Variants in RAP1GDS1 observed in about 807,000 individuals in gnomAD.
RAP1GDS1 encodes Rap1 GTPase-GDP dissociation stimulator 1.
A neutral mutation model predicts 71.1 loss-of-function variants in RAP1GDS1; 35 were observed. That is an observed-to-expected ratio of 0.49 (90% CI 0.38 to 0.65). The LOEUF (loss-of-function observed/expected upper bound fraction) is 0.65, where lower values mean the gene tolerates loss of function less well. Ranked by LOEUF, RAP1GDS1 falls within the 30% of genes least tolerant of loss-of-function variation. RAP1GDS1 has a pLI of 0.00. For missense variants in RAP1GDS1, 663 were observed against 706.1 expected (o/e 0.94, Z 0.69); for synonymous variants, 229 against 243.1 (o/e 0.94, Z 0.54).
chr4:98,329,346 A>G (rs1300393476), intron 2 of RAP1GDS1, among the ~76,000 whole-genome samples: 2 of 152,244 alleles, frequency 1.3e-5, no homozygotes, highest in African/African-American at 4.8e-5. Context: ...TATAAAAGTC[A>G]TGGAAACATT....
chr4:98,412,178 A>G (rs1747166940), intron 7 of RAP1GDS1, among the ~76,000 whole-genome samples: 1 of 152,188 alleles, frequency 6.6e-6, no homozygotes, highest in South Asian at 2.1e-4. Flanking sequence ...AGGGAAACCA[A>G]TGACTAAAAT....
rs539142014 is a variant in RAP1GDS1 at position 98,343,667 on chromosome 4, G to A, written c.235+406G>A. Among the ~76,000 whole-genome samples the A allele has an allele frequency of 7.9e-5, 12 of 152,026 alleles. No homozygotes were observed. The East Asian group carries it at 1.7e-3, about 22-fold the overall frequency. ...CTTTTTTAGTTTGGCCTATTGTTCCGACATTGGCACTTCAACAGTATAGTT... is the reference window on the plus strand; with the variant it reads ...CTTTTTTAGTTTGGCCTATTGTTCCAACATTGGCACTTCAACAGTATAGTT... On this transcript the variant is annotated intron_variant, in intron 3 of 14. Coordinates refer to ENST00000408927, the MANE Select transcript of RAP1GDS1 (RefSeq NM_001100427.2).
At chr4:98,435,730 A>G (rs1250237434) in intron 13 of RAP1GDS1, among the ~76,000 whole-genome samples, 4 of 151,826 alleles carry the variant, frequency 2.6e-5, no homozygotes, top group Non-Finnish European at 4.4e-5. Flanking sequence ...AGAGTTCTTT[A>G]TATATTCTAA....
intron 12 of RAP1GDS1, among the ~76,000 whole-genome samples, chr4:98,427,615 T>G (rs1275291361): frequency 6.6e-6 from 1 of 151,778 alleles, no homozygotes; most frequent in Non-Finnish European, 1.5e-5. Flanking sequence ...TTACAATAGC[T>G]GCAAAAAATA....
intron 9 of RAP1GDS1, 126 bp downstream of exon 9, chr4:98,417,624 T>A: frequency 1.2e-6 from 1 of 855,864 alleles, no homozygotes; most frequent in South Asian, 2.9e-5. Flanking sequence ...GCTGCTAACT[T>A]AATTTTTCAG....
intron 1 of RAP1GDS1, among the ~76,000 whole-genome samples, chr4:98,286,970 G>T (rs72892365): frequency 0.019 from 2,901 of 149,436 alleles, 103 homozygotes; most frequent in African/African-American, 0.067. Context: ...TAGAGAAGAT[G>T]ACTTAGAGTG....
intron 14 of RAP1GDS1, among the ~76,000 whole-genome samples, chr4:98,439,725 A>G (rs1751647692): frequency 6.6e-6 from 1 of 152,180 alleles, no homozygotes; most frequent in Non-Finnish European, 1.5e-5. Context: ...TTTCAGTTAT[A>G]TATTTTAGTT....
chr4:98,431,424 TG>T (rs1750392970), intron 12 of RAP1GDS1, among the ~76,000 whole-genome samples: 1 of 152,198 alleles, frequency 6.6e-6, no homozygotes, highest in African/African-American at 2.4e-5. Flanking sequence ...AAGGGCAAAT[TG>T]ACTAAATGCT....
chr4:98,372,114 C>T (rs1409721827), intron 4 of RAP1GDS1, among the ~76,000 whole-genome samples: 2 of 151,992 alleles, frequency 1.3e-5, no homozygotes, highest in Non-Finnish European at 2.9e-5. Flanking sequence ...TCTTTGTCCG[C>T]CTTTTTTTGG....
At chr4:98,318,748 T>C (rs947897411) in intron 2 of RAP1GDS1, among the ~76,000 whole-genome samples, 5 of 152,172 alleles carry the variant, frequency 3.3e-5, no homozygotes, top group African/African-American at 4.8e-5. Flanking sequence ...AATGGGCAGG[T>C]AGCATATACA....
intron 14 of RAP1GDS1, among the ~76,000 whole-genome samples, chr4:98,438,585 TATA>T (rs1279272211): frequency 7.3e-6 from 1 of 136,636 alleles, no homozygotes; most frequent in African/African-American, 2.9e-5. Context: ...TATATATATA[TATA>T]TCTTTTTTTT....
Position 98,297,365 on chromosome 4 carries a change from G to C in RAP1GDS1, c.112+3850G>C, listed in dbSNP as rs186512805. 2.1e-3 allele frequency among the ~76,000 whole-genome samples: 314 copies of C among 152,110 alleles called. 1 individual carries two copies. Among genetic ancestry groups the C allele is most frequent in the Non-Finnish European group, 3.8e-3 (259 of 67,998 alleles). On this transcript the variant is annotated intron_variant, in intron 2 of 14. Coordinates refer to ENST00000408927, the MANE Select transcript of RAP1GDS1 (RefSeq NM_001100427.2). The stretch of plus-strand genomic sequence containing the variant: ...TCATTTTATTGTGCTTTACTTTATT[G>C]AGCTTCACAAATACTGTATTTTTTA...
intron 1 of RAP1GDS1, among the ~76,000 whole-genome samples, chr4:98,292,358 T>C (rs902213503): frequency 1.3e-5 from 2 of 152,080 alleles, no homozygotes; most frequent in African/African-American, 4.8e-5. Flanking sequence ...GGTATCAAAC[T>C]CCTAGCCTCA....
intron 6 of RAP1GDS1, among the ~76,000 whole-genome samples, chr4:98,395,446 G>A (rs1224543967): frequency 1.3e-5 from 2 of 152,154 alleles, no homozygotes; most frequent in African/African-American, 4.8e-5. Flanking sequence ...TACCATGCCA[G>A]CCTGTGCTTT....
At chr4:98,415,346 G>T (rs1297057850) in intron 7 of RAP1GDS1, among the ~76,000 whole-genome samples, 1 of 152,170 alleles carries the variant, frequency 6.6e-6, no homozygotes, top group Non-Finnish European at 1.5e-5. Flanking sequence ...CAATCAGTTT[G>T]TACAATAGTG....
intron 2 of RAP1GDS1, among the ~76,000 whole-genome samples, chr4:98,319,773 T>C (rs1304706602): frequency 1.6e-5 from 2 of 122,052 alleles, no homozygotes; most frequent in African/African-American, 7.1e-5. Context: ...AGAGTGAGAA[T>C]GTCTCAAAAA....
chr4:98,413,168 G>A (rs1040727174), intron 7 of RAP1GDS1, among the ~76,000 whole-genome samples: 24 of 151,868 alleles, frequency 1.6e-4, no homozygotes, highest in Non-Finnish European at 2.6e-4. Flanking sequence ...CTCCCAGAGC[G>A]GCCATTTATA....
chr4:98,303,630 A>AATATG (rs1371359118), intron 2 of RAP1GDS1, among the ~76,000 whole-genome samples: 1 of 138,240 alleles, frequency 7.2e-6, no homozygotes, highest in Non-Finnish European at 1.5e-5. Context: ...AATTAATAAT[A>AATATG]ATATAATATA....
intron 1 of RAP1GDS1, among the ~76,000 whole-genome samples, chr4:98,280,787 T>C (rs1411621012): frequency 4.6e-5 from 7 of 152,202 alleles, no homozygotes; most frequent in Non-Finnish European, 8.8e-5. Flanking sequence ...AATTTTTGTA[T>C]AAGGTGTAAG....
Sources: allele counts gnomAD v4.1 joint callset (sites outside exome capture counted in the v4.1 genomes callset), GRCh38; gene constraint gnomAD v4.1.1; transcripts MANE v1.5; gene names NCBI Gene and HGNC (gene_info 2026-07-23, HGNC 2026-07-21).